CSMD1: variants seen among roughly 807,000 people sequenced by gnomAD.
The protein encoded by CSMD1 is CUB and sushi domain-containing protein 1.
CSMD1 carries 213 observed loss-of-function variants against 417.5 expected under a neutral mutation model. The ratio of observed to expected loss-of-function variants is 0.51; its 90% CI spans 0.46 to 0.57. The LOEUF (loss-of-function observed/expected upper bound fraction) is 0.57, where lower values mean the gene tolerates loss of function less well. CSMD1 is among the 20% of genes least tolerant of loss of function. The pLI, the probability that CSMD1 is intolerant of heterozygous loss-of-function variation, is 0.00. For missense variants in CSMD1, 6,923 were observed against 4,529.7 expected (o/e 1.53, Z -15.17); for synonymous variants, 2,862 against 1,736.8 (o/e 1.65, Z -16.11).
At chr8:3,030,880 T>C (rs1810299526) in intron 50 of CSMD1, among the ~76,000 whole-genome samples, 1 of 152,022 alleles carries the variant, frequency 6.6e-6, no homozygotes, top group African/African-American at 2.4e-5. Context: ...AATTTCCAAG[T>C]ACTATATAAA....
chr8:3,726,345 T>G (rs144524126), intron 6 of CSMD1, among the ~76,000 whole-genome samples: 1 of 152,194 alleles, frequency 6.6e-6, no homozygotes, highest in South Asian at 2.1e-4. Context: ...TCCGGTAATT[T>G]ATTTGTAGCA....
At chr8:4,308,482 T>G (rs1456493070) in intron 3 of CSMD1, among the ~76,000 whole-genome samples, 1 of 152,160 alleles carries the variant, frequency 6.6e-6, no homozygotes, top group African/African-American at 2.4e-5. Flanking sequence ...AGGGCCAATG[T>G]GAAACACGGC....
intron 4 of CSMD1, among the ~76,000 whole-genome samples, chr8:4,003,029 C>A (rs533777939): frequency 3.3e-5 from 5 of 151,804 alleles, no homozygotes; most frequent in African/African-American, 9.7e-5. Flanking sequence ...ATAAAAACAA[C>A]ACAATAAAAA....
At chr8:4,485,544 T>C (rs1407890960) in intron 2 of CSMD1, among the ~76,000 whole-genome samples, 1 of 152,144 alleles carries the variant, frequency 6.6e-6, no homozygotes, top group Non-Finnish European at 1.5e-5. Context: ...ATGGCAATAT[T>C]CTTATAATTG....
chr8:4,216,109 C>A (rs575385723), intron 3 of CSMD1, among the ~76,000 whole-genome samples: 2 of 152,300 alleles, frequency 1.3e-5, no homozygotes, highest in African/African-American at 2.4e-5. Context: ...GTCCTCTTCT[C>A]AATCTGGCTG....
At chr8:4,036,236 G>A (rs1286755277) in intron 3 of CSMD1, among the ~76,000 whole-genome samples, 1 of 152,146 alleles carries the variant, frequency 6.6e-6, no homozygotes, top group East Asian at 1.9e-4. Context: ...ATGCATCCCA[G>A]TTGTTAAGTC....
intron 2 of CSMD1, among the ~76,000 whole-genome samples, chr8:4,425,561 G>A (rs950244196): frequency 2.0e-5 from 3 of 152,034 alleles, no homozygotes; most frequent in Non-Finnish European, 4.4e-5. Context: ...TCACTCCTTG[G>A]TGGCTCACAA....
chr8:3,794,566 C>G (rs1392397790), intron 5 of CSMD1, among the ~76,000 whole-genome samples: 2 of 151,990 alleles, frequency 1.3e-5, no homozygotes, highest in African/African-American at 4.8e-5. Context: ...CATCAAAGTG[C>G]TAGTAACCCA....
intron 5 of CSMD1, among the ~76,000 whole-genome samples, chr8:3,933,434 G>C (rs1028596394): frequency 6.6e-6 from 1 of 152,048 alleles, no homozygotes; most frequent in East Asian, 1.9e-4. Flanking sequence ...ATAAAACATA[G>C]ACTAAGCATT....
At chr8:3,352,888 C>G (rs914350130) in intron 21 of CSMD1, among the ~76,000 whole-genome samples, 3 of 151,950 alleles carry the variant, frequency 2.0e-5, no homozygotes, top group Admixed American at 6.6e-5. Context: ...CACGAAAACA[C>G]ATGGGGGTAT....
At chr8:4,111,608 T>C (rs13278995) in intron 3 of CSMD1, among the ~76,000 whole-genome samples, 50,777 of 152,062 alleles carry the variant, frequency 0.33, 8,857 homozygotes, top group South Asian at 0.52. Context: ...AATGAAATTA[T>C]GTCCTTTGTA....
In CSMD1 at chr8:4,456,985, T is replaced by TTTTTA. The variant is rs71207092; in HGVS notation, c.303-36921_303-36920insTAAAA. Among the ~76,000 whole-genome samples the TTTTTA allele has an allele frequency of 2.8e-3, 382 of 138,800 alleles. 1 individual carries two copies. The highest frequency in any genetic ancestry group is 0.015 in the Middle Eastern group (4 of 270). The allele number at this position is 138,800 out of a possible 152,430, so 91.1% of individuals were successfully genotyped here. A position where few individuals can be genotyped will look rare whatever the true frequency, so the allele number is the denominator to read the frequency against. On this transcript the variant is annotated intron_variant, in intron 2 of 69. Transcript: ENST00000635120. ...GATTTTGATGAGTGTGGTTTTTTTT[T>TTTTTA]AAAAAAAAAAAAAACAACAAGAAAA... is the stretch of plus-strand genomic sequence containing the variant.
At chr8:4,797,449 T>C (rs1192521597) in intron 1 of CSMD1, among the ~76,000 whole-genome samples, 1 of 152,158 alleles carries the variant, frequency 6.6e-6, no homozygotes, top group Non-Finnish European at 1.5e-5. Context: ...AAGTACCAAA[T>C]ATAGGTCATG....
chr8:3,610,854 G>A (rs376710115), intron 8 of CSMD1, among the ~76,000 whole-genome samples: 4 of 152,054 alleles, frequency 2.6e-5, no homozygotes, highest in African/African-American at 7.2e-5. Context: ...ACTCTAAGGT[G>A]TTATGTGCCT....
At chr8:3,620,477 T>A (rs914326184) in intron 7 of CSMD1, among the ~76,000 whole-genome samples, 5 of 152,196 alleles carry the variant, frequency 3.3e-5, no homozygotes, top group African/African-American at 1.2e-4. Flanking sequence ...TTTACGCTAA[T>A]AGTTACATTA....
intron 49 of CSMD1, among the ~76,000 whole-genome samples, chr8:3,054,677 A>C (rs757005636): frequency 1.4e-4 from 22 of 152,304 alleles, no homozygotes; most frequent in African/African-American, 4.1e-4. Flanking sequence ...ACATGTGTGT[A>C]CATGTGTCCA....
At chr8:3,597,256 G>C (rs1584939686) in intron 8 of CSMD1, among the ~76,000 whole-genome samples, 1 of 152,142 alleles carries the variant, frequency 6.6e-6, no homozygotes, top group Non-Finnish European at 1.5e-5. Context: ...GCTGTCTAGA[G>C]GCACCGGTGA....
intron 3 of CSMD1, among the ~76,000 whole-genome samples, chr8:4,153,139 T>C (rs1043897644): frequency 1.3e-5 from 2 of 152,178 alleles, no homozygotes; most frequent in African/African-American, 2.4e-5. Flanking sequence ...TATTGAATAC[T>C]GAATCTTGAC....
intron 2 of CSMD1, among the ~76,000 whole-genome samples, chr8:4,466,767 A>G (rs540591403): frequency 2.6e-5 from 4 of 151,854 alleles, no homozygotes; most frequent in South Asian, 2.1e-4. Flanking sequence ...TCAAATTATA[A>G]TATGAGAATA....
Sources: gnomAD v4.1 joint callset for allele counts (sites outside exome capture counted in the v4.1 genomes callset) on GRCh38, gnomAD v4.1.1 for gene constraint, MANE v1.5 for transcripts, NCBI Gene and HGNC (gene_info 2026-07-23, HGNC 2026-07-21) for gene names.